Variants in SAMHD1 observed in about 807,000 individuals in gnomAD.
SAMHD1 encodes deoxynucleoside triphosphate triphosphohydrolase SAMHD1.
SAMHD1 carries 54 observed loss-of-function variants against 79.6 expected under a neutral mutation model. The observed-to-expected ratio is 0.68, with a 90% CI of 0.55 to 0.85. The LOEUF is 0.85. SAMHD1 is among the 40% of genes least tolerant of loss of function. SAMHD1 has a pLI of 0.00. For synonymous variants in SAMHD1, 260 were observed against 264.1 expected (o/e 0.98, Z 0.15); for missense variants, 663 against 782.7 (o/e 0.85, Z 1.82).
At position 36,947,411 on chromosome 20, in the gene SAMHD1, T is replaced by TGTGTGTGTGATTTGGAAGAG. The variant is rs1160227979; in HGVS notation, c.209-608_209-607insCTCTTCCAAATCACACACAC. Among the ~76,000 whole-genome samples the TGTGTGTGTGATTTGGAAGAG allele has an allele frequency of 5.2e-4, 69 of 132,680 alleles. 7 individuals are homozygous for TGTGTGTGTGATTTGGAAGAG. Among genetic ancestry groups the TGTGTGTGTGATTTGGAAGAG allele is most frequent in the Non-Finnish European group, 6.7e-4 (42 of 62,712 alleles). The allele number at this position is 132,680 out of a possible 152,430, so 87.0% of individuals were successfully genotyped here. On this transcript the variant is annotated intron_variant, in intron 1 of 15. Transcript: ENST00000646673. ...GTGTGTGTGATTTGGAAGAGGTGTG[T>TGTGTGTGTGATTTGGAAGAG]GTGTGTGTGTGTGTGTGTGTGTGTG...
At chr20:36,899,677 A>G (rs974625083) in intron 13 of SAMHD1, among the ~76,000 whole-genome samples, 1 of 152,216 alleles carries the variant, frequency 6.6e-6, no homozygotes, top group African/African-American at 2.4e-5. Context: ...AATTGCAGGC[A>G]GAGGAAACAG....
At chr20:36,927,839 A>G (rs1293242092) in intron 5 of SAMHD1, among the ~76,000 whole-genome samples, 2 of 152,060 alleles carry the variant, frequency 1.3e-5, no homozygotes, top group African/African-American at 4.8e-5. Flanking sequence ...TTGAAGAGAC[A>G]GAGTCTTGCT....
intron 14 of SAMHD1, 125 bp from the exon 15 acceptor site, chr20:36,898,084 T>A: frequency 8.4e-7 from 1 of 1,185,166 alleles, no homozygotes; most frequent in South Asian, 1.2e-5. Context: ...CAGGCTGGAG[T>A]GCAGTGGCAC....
At position 36,947,492 on chromosome 20, in the gene SAMHD1, A is replaced by AGTGT. The variant is rs10608624; in HGVS notation, c.209-692_209-689dup. On this transcript the variant is annotated intron_variant, in intron 1 of 15. Transcript: ENST00000646673. ...TTTGGAAGAGGTGTGTGTGTGTGTG[A>AGTGT]GTGTGTGTGTGTGTGTGTGTGTCCT... is the stretch of plus-strand genomic sequence containing the variant. Among the ~76,000 whole-genome samples the AGTGT allele has an allele frequency of 6.3e-4, 23 of 36,254 alleles. 1 individual carries two copies. Among genetic ancestry groups the AGTGT allele is most frequent in the East Asian group, 2.2e-3 (2 of 912 alleles). 23.8% of individuals were successfully genotyped at this position (36,254 alleles called of 152,430 possible).
intron 9 of SAMHD1, among the ~76,000 whole-genome samples, chr20:36,914,164 CAT>C (rs973577194): frequency 2.5e-4 from 38 of 152,056 alleles, no homozygotes; most frequent in East Asian, 9.7e-4. Context: ...TTTAACAACA[CAT>C]GTTTGAACTG....
At chr20:36,924,802 G>T (rs968917972) in intron 6 of SAMHD1, among the ~76,000 whole-genome samples, 1 of 151,966 alleles carries the variant, frequency 6.6e-6, no homozygotes, top group African/African-American at 2.4e-5. Context: ...CATCATATAT[G>T]GGAAGTTAAT....
intron 4 of SAMHD1, among the ~76,000 whole-genome samples, chr20:36,932,713 G>A (rs574063463): frequency 7.9e-5 from 12 of 151,874 alleles, no homozygotes; most frequent in Admixed American, 5.3e-4. Context: ...CACTGCACCC[G>A]GCAAGTTTGG....
intron 3 of SAMHD1, chr20:36,940,411 A>G (rs1334647970): frequency 2.0e-5 from 3 of 152,918 alleles, no homozygotes; most frequent in African/African-American, 7.2e-5. Context: ...TAATAAATAG[A>G]AACAGGGCCA....
chr20:36,923,080 A>G (rs1338728905), intron 6 of SAMHD1, among the ~76,000 whole-genome samples: 2 of 152,164 alleles, frequency 1.3e-5, no homozygotes, highest in Non-Finnish European at 2.9e-5. Flanking sequence ...AGCTCACTGC[A>G]AGCTCCGCCT....
Position 36,949,101 on chromosome 20 carries a change from C to T in SAMHD1, c.209-2297G>A, listed in dbSNP as rs139403766. 2.2e-3 allele frequency among the ~76,000 whole-genome samples: 319 copies of T among 145,850 alleles called. 5 individuals are homozygous for T. The highest frequency in any genetic ancestry group is 7.9e-3 in the African/African-American group (310 of 39,436). ...CCAACATGGTGAAACCCTGTCTTTA[C>T]TAAAAACACAAAATTAGCCAGGCGT... On this transcript the variant is annotated intron_variant, in intron 1 of 15. Transcript: ENST00000646673.
chr20:36,898,001 A>AC (rs1432215296), intron 14 of SAMHD1, 42 bp from the exon 15 acceptor site: 1 of 1,611,926 alleles, frequency 6.2e-7, no homozygotes, highest in Non-Finnish European at 8.5e-7. Context: ...TTGAAGTCAC[A>AC]CATTGGAGAT....
At chr20:36,898,633 G>A in intron 13 of SAMHD1, 89 bp from the exon 14 acceptor site, 2 of 1,005,742 alleles carry the variant, frequency 2.0e-6, no homozygotes, top group South Asian at 1.3e-5. Context: ...TGGAACAGAG[G>A]CCGGGCGCAG....
Position 36,898,546 on chromosome 20 carries a change from T to G in SAMHD1, c.1504-2A>C. On this transcript the variant is annotated splice_acceptor_variant, in intron 13 of 15. Transcript: ENST00000646673. LOFTEE classifies it high-confidence loss of function. ...CATTCCATAATCCATGTTGATAACC[T>G]AAATAAAAGCAATTCACAAGTAATC... The G allele has an allele frequency of 6.2e-7, 1 of 1,605,820 alleles. No homozygotes were observed. Among genetic ancestry groups the G allele is most frequent in the Non-Finnish European group, 8.5e-7 (1 of 1,172,714 alleles).
At chr20:36,898,316 C>T in intron 14 of SAMHD1, 124 bp downstream of exon 14, 1 of 775,040 alleles carries the variant, frequency 1.3e-6, no homozygotes, top group Non-Finnish European at 2.3e-6. Flanking sequence ...GTATGAGCTA[C>T]TGTGCCAGGC....
At chr20:36,948,822 A>G (rs2063712345) in intron 1 of SAMHD1, among the ~76,000 whole-genome samples, 1 of 147,368 alleles carries the variant, frequency 6.8e-6, no homozygotes, top group Admixed American at 6.7e-5. Flanking sequence ...AGCCGAGATC[A>G]CACCACTGCA....
downstream of SAMHD1, chr20:36,889,988 A>G (rs1009140518): frequency 6.6e-6 from 1 of 152,202 alleles, no homozygotes; most frequent in Non-Finnish European, 1.5e-5. Flanking sequence ...AACTTACAGA[A>G]TATTGTCAAA....
At chr20:36,906,796 A>ATT (rs376198153) in intron 11 of SAMHD1, among the ~76,000 whole-genome samples, 28 of 145,306 alleles carry the variant, frequency 1.9e-4, no homozygotes, top group Non-Finnish European at 2.3e-4. Context: ...TATCTGTGCA[A>ATT]TTTTTTTTTT....
intron 2 of SAMHD1, among the ~76,000 whole-genome samples, chr20:36,943,749 G>T (rs909394873): frequency 2.6e-5 from 4 of 152,070 alleles, no homozygotes; most frequent in East Asian, 3.9e-4. Flanking sequence ...AGTAGTAAAG[G>T]GGACTTTGAG....
At position 36,927,033 on chromosome 20, in the gene SAMHD1, T is replaced by C. The variant is rs1034824440; in HGVS notation, c.696+149A>G. ...CTACTGTGAGAACCAAACAAAAGCA[T>C]ATATATATATATGTGAATGAAAGCA... On this transcript the variant is annotated intron_variant, in intron 6 of 15. Coordinates refer to ENST00000646673, the MANE Select transcript of SAMHD1 (RefSeq NM_015474.4). The C allele has an allele frequency of 4.8e-5, 20 of 417,394 alleles. No individual in the cohort carries two copies. The South Asian group carries it at 5.4e-4, about 11-fold the overall frequency. The allele number at this position is 417,394 out of a possible 1,614,324, so 25.9% of individuals were successfully genotyped here.
Sources: allele counts gnomAD v4.1 joint callset (sites outside exome capture counted in the v4.1 genomes callset), GRCh38; gene constraint gnomAD v4.1.1; transcripts MANE v1.5; gene names NCBI Gene and HGNC (gene_info 2026-07-23, HGNC 2026-07-21).